Variants in DOCK3 observed in about 807,000 individuals in gnomAD.
The protein encoded by DOCK3 is dedicator of cytokinesis 3.
A neutral mutation model predicts 265.6 loss-of-function variants in DOCK3; 60 were observed. The ratio of observed to expected loss-of-function variants is 0.23; its 90% CI spans 0.18 to 0.28. DOCK3 has a LOEUF of 0.28. Ranked by LOEUF, DOCK3 falls within the 10% of genes least tolerant of loss-of-function variation. DOCK3 has a pLI of 1.00. For synonymous variants in DOCK3, 881 were observed against 938.0 expected (o/e 0.94, Z 1.11); for missense variants, 1,981 against 2,594.3 (o/e 0.76, Z 5.14).
At chr3:50,924,297 A>G (rs2050652051) in intron 4 of DOCK3, among the ~76,000 whole-genome samples, 2 of 152,246 alleles carry the variant, frequency 1.3e-5, no homozygotes, top group Admixed American at 6.5e-5. Flanking sequence ...CTGGTTCAGA[A>G]TAATTGTCGC....
intron 4 of DOCK3, among the ~76,000 whole-genome samples, chr3:50,906,230 T>G (rs984671607): frequency 1.3e-5 from 2 of 152,094 alleles, no homozygotes; most frequent in African/African-American, 4.8e-5. Flanking sequence ...TTCTCTTTTT[T>G]TGCTGTGTCT....
At chr3:50,801,337 T>C (rs2043055817) in intron 2 of DOCK3, among the ~76,000 whole-genome samples, 1 of 151,648 alleles carries the variant, frequency 6.6e-6, no homozygotes, top group South Asian at 2.1e-4. Context: ...GCAGGAAAAA[T>C]GGTTATGGCA....
At position 51,375,044 on chromosome 3, in the gene DOCK3, G is replaced by A. The variant is rs1192049157; in HGVS notation, c.5412+457G>A. 2.6e-5 allele frequency among the ~76,000 whole-genome samples: 4 copies of A among 152,100 alleles called. No individual in the cohort carries two copies. In the East Asian group the frequency reaches 7.7e-4, roughly 29 times the overall value. ...ACTGAAGTCCCTCACTACCTGCTGG[G>A]GCTGTTCTACATGCCATTTGCACAG... is the stretch of plus-strand genomic sequence containing the variant. On this transcript the variant is annotated intron_variant, in intron 50 of 52. Coordinates refer to ENST00000266037, the MANE Select transcript of DOCK3 (RefSeq NM_004947.5).
At chr3:50,791,552 G>A (rs2042480274) in intron 2 of DOCK3, among the ~76,000 whole-genome samples, 1 of 152,278 alleles carries the variant, frequency 6.6e-6, no homozygotes, top group East Asian at 1.9e-4. Flanking sequence ...GGAATTATAG[G>A]TGTGAGCCAC....
At chr3:51,067,753 A>G (rs1005280391) in intron 6 of DOCK3, among the ~76,000 whole-genome samples, 21 of 152,268 alleles carry the variant, frequency 1.4e-4, no homozygotes, top group African/African-American at 4.6e-4. Flanking sequence ...ATGTTGCACC[A>G]AAACTGATAG....
At chr3:51,303,723 C>T (rs2082487154) in intron 27 of DOCK3, among the ~76,000 whole-genome samples, 1 of 152,146 alleles carries the variant, frequency 6.6e-6, no homozygotes, top group Non-Finnish European at 1.5e-5. Flanking sequence ...CACCTGGGTC[C>T]CTCCCACACC....
chr3:50,972,885 G>T (rs1490334265), intron 5 of DOCK3, among the ~76,000 whole-genome samples: 2 of 76,182 alleles, frequency 2.6e-5, no homozygotes, highest in African/African-American at 3.9e-5. Context: ...GGTTGCTTTG[G>T]CTATTTTTTT....
chr3:50,911,773 C>T (rs1285181504), intron 4 of DOCK3, among the ~76,000 whole-genome samples: 1 of 151,962 alleles, frequency 6.6e-6, no homozygotes. Context: ...GTAGTTTGGT[C>T]ATTTTCACAA....
At chr3:51,310,778 C>T (rs1395384477) in intron 28 of DOCK3, among the ~76,000 whole-genome samples, 1 of 152,202 alleles carries the variant, frequency 6.6e-6, no homozygotes, top group African/African-American at 2.4e-5. Context: ...AACCTGACTG[C>T]CTCATTTATA....
At chr3:50,753,678 TA>T (rs1337200107) in intron 1 of DOCK3, among the ~76,000 whole-genome samples, 1 of 152,180 alleles carries the variant, frequency 6.6e-6, no homozygotes, top group Non-Finnish European at 1.5e-5. Flanking sequence ...GCAAATATTT[TA>T]ATTTGAGAAT....
intron 1 of DOCK3, among the ~76,000 whole-genome samples, chr3:50,762,745 G>A (rs891402350): frequency 1.3e-5 from 2 of 151,966 alleles, no homozygotes; most frequent in African/African-American, 4.8e-5. Context: ...AAGGGCGTTA[G>A]ATTTTGTCAA....
chr3:50,758,278 A>G (rs922947617), intron 1 of DOCK3, among the ~76,000 whole-genome samples: 4 of 148,944 alleles, frequency 2.7e-5, no homozygotes, highest in Non-Finnish European at 5.9e-5. Flanking sequence ...TTCCTTTGAC[A>G]TAATTCTATC....
At chr3:50,707,712 G>A (rs1246216936) in intron 1 of DOCK3, among the ~76,000 whole-genome samples, 1 of 152,170 alleles carries the variant, frequency 6.6e-6, no homozygotes, top group Non-Finnish European at 1.5e-5. Context: ...CTGGTGTCAT[G>A]CTCAGATGCT....
intron 9 of DOCK3, among the ~76,000 whole-genome samples, chr3:51,116,375 C>T (rs777196911): frequency 2.7e-4 from 35 of 128,176 alleles, no homozygotes; most frequent in African/African-American, 4.2e-4. Flanking sequence ...GGTGTGAACC[C>T]GGGAGGTGGA....
At chr3:51,278,145 T>A in intron 26 of DOCK3, 1 of 985,464 alleles carries the variant, frequency 1.0e-6, no homozygotes, top group Non-Finnish European at 1.2e-6. Flanking sequence ...CAGGACAGAA[T>A]AATTTTCTCA....
At chr3:51,006,830 G>A (rs543894773) in intron 5 of DOCK3, among the ~76,000 whole-genome samples, 56 of 152,064 alleles carry the variant, frequency 3.7e-4, no homozygotes, top group Middle Eastern at 3.2e-3. Flanking sequence ...GCATCCAGGC[G>A]TGCTCATTGT....
At chr3:50,893,251 T>C in intron 4 of DOCK3, 1 of 308,172 alleles carries the variant, frequency 3.2e-6, no homozygotes, top group Admixed American at 4.7e-5. Flanking sequence ...AAATAAATAT[T>C]CAATAACAGA....
At chr3:50,807,540 A>G (rs1432886369) in intron 2 of DOCK3, among the ~76,000 whole-genome samples, 1 of 152,090 alleles carries the variant, frequency 6.6e-6, no homozygotes, top group East Asian at 1.9e-4. Context: ...AAATATTCAA[A>G]CTACAGCACC....
intron 5 of DOCK3, among the ~76,000 whole-genome samples, chr3:50,971,096 A>G (rs1381295756): frequency 2.7e-5 from 4 of 146,910 alleles, no homozygotes; most frequent in African/African-American, 1.0e-4. Context: ...TCCCAAAGTG[A>G]TGGGATTACA....
Sources: allele counts gnomAD v4.1 joint callset (sites outside exome capture counted in the v4.1 genomes callset), GRCh38; gene constraint gnomAD v4.1.1; transcripts MANE v1.5; gene names NCBI Gene and HGNC (gene_info 2026-07-23, HGNC 2026-07-21).